The following CLYBL variants were observed in gnomAD, a reference collection of about 807,000 sequenced individuals.
The protein encoded by CLYBL is citramalyl-CoA lyase, mitochondrial.
Under a neutral mutation model 38.9 loss-of-function variants are expected in CLYBL, and 31 were observed. That is an observed-to-expected ratio of 0.80 (90% CI 0.60 to 1.08). The LOEUF is 1.08. CLYBL is among the 50% of genes least tolerant of loss of function. The pLI is 0.00. For synonymous variants in CLYBL, 171 were observed against 158.6 expected (o/e 1.08, Z -0.59); for missense variants, 434 against 411.6 (o/e 1.05, Z -0.47).
At chr13:99,802,464 C>T (rs1304872731) in intron 2 of CLYBL, among the ~76,000 whole-genome samples, 1 of 151,948 alleles carries the variant, frequency 6.6e-6, no homozygotes, top group Admixed American at 6.6e-5. Flanking sequence ...TGGGGGGGTC[C>T]AGACTCTAGT....
chr13:99,828,360 C>T (rs1359089475), intron 2 of CLYBL, among the ~76,000 whole-genome samples: 2 of 152,168 alleles, frequency 1.3e-5, no homozygotes, highest in Non-Finnish European at 2.9e-5. Context: ...GGGGAATTTT[C>T]CCATGGTAGC....
At chr13:99,886,483 G>A (rs8002591) in intron 7 of CLYBL, among the ~76,000 whole-genome samples, 132,453 of 152,308 alleles carry the variant, frequency 0.87, 58,051 homozygotes, top group African/African-American at 0.96. Flanking sequence ...CTTCCTACGC[G>A]GAAGACACGT....
intron 2 of CLYBL, among the ~76,000 whole-genome samples, chr13:99,778,859 C>A (rs1279971588): frequency 1.3e-5 from 2 of 152,104 alleles, no homozygotes; most frequent in Non-Finnish European, 2.9e-5. Context: ...TCCATAGCTG[C>A]CATTTCAGTT....
Position 99,863,094 on chromosome 13 carries a change from TA to T in CLYBL, c.540+4del. Reference sequence around the variant, plus strand: ...GCAATGGGTTTGCTCAATTTTAAGGTAAGGAAGCCATAATACGGTTAATAAG... The same window carrying T: ...GCAATGGGTTTGCTCAATTTTAAGGTAGGAAGCCATAATACGGTTAATAAG... On this transcript the variant is annotated splice_donor_region_variant and intron_variant, in intron 4 of 8. Transcript: ENST00000339105. 6.5e-7 allele frequency: 1 copy of T among 1,545,330 alleles called. No individual in the cohort carries two copies. The highest frequency in any genetic ancestry group is 8.9e-7 in the Non-Finnish European group (1 of 1,123,108).
At chr13:99,639,503 T>C (rs562213033) in intron 1 of CLYBL, among the ~76,000 whole-genome samples, 2 of 152,354 alleles carry the variant, frequency 1.3e-5, no homozygotes, top group East Asian at 3.9e-4. Context: ...TTAGCAGTCA[T>C]GTAAATGCAT....
chr13:99,612,049 G>A (rs1190987531), intron 1 of CLYBL, among the ~76,000 whole-genome samples: 1 of 152,056 alleles, frequency 6.6e-6, no homozygotes, highest in African/African-American at 2.4e-5. Flanking sequence ...CTATCATCCC[G>A]CAAATTCTCT....
chr13:99,734,404 A>T (rs74816639), intron 1 of CLYBL, among the ~76,000 whole-genome samples: 29 of 138,880 alleles, frequency 2.1e-4, no homozygotes, highest in Non-Finnish European at 2.6e-4. Flanking sequence ...AATTGAGATT[A>T]AAAAAAAAAA....
chr13:99,824,393 T>A (rs983896052), intron 2 of CLYBL, among the ~76,000 whole-genome samples: 5 of 152,186 alleles, frequency 3.3e-5, no homozygotes, highest in African/African-American at 1.2e-4. Context: ...GGTCACTTGT[T>A]AGTATTTCTC....
rs778596703 is a variant in CLYBL, at chr13:99,866,282, G to A, written c.677G>A (p.Arg226Gln). The A allele has an allele frequency of 9.9e-6, 16 of 1,613,846 alleles. No individual in the cohort carries two copies. The highest frequency in any genetic ancestry group is 1.7e-4 in the Middle Eastern group (1 of 6,044). The change falls in exon 6 of 9, where the codon CGG (arginine) becomes CAG (glutamine). Residue 226 changes from arginine (R) to glutamine (Q), a missense_variant. By Grantham distance (43) the Arg-to-Gln change is conservative (BLOSUM62 1). Transcript: ENST00000339105. ...SKETLDILYARQKIVVIAKAF... is the reference protein window; with the variant it reads ...SKETLDILYAQQKIVVIAKAF... The stretch of plus-strand genomic sequence containing the variant: ...GAAACCCTGGATATTCTCTACGCCC[G>A]GCAAAAGATTGTTGTCATAGCGAAA...
intron 7 of CLYBL, among the ~76,000 whole-genome samples, chr13:99,875,496 A>G (rs2052015440): frequency 6.6e-6 from 1 of 152,166 alleles, no homozygotes; most frequent in Non-Finnish European, 1.5e-5. Context: ...TTCCAAATGC[A>G]AGGCTTTACA....
chr13:99,616,499 A>G (rs187995535), intron 1 of CLYBL, among the ~76,000 whole-genome samples: 3 of 151,912 alleles, frequency 2.0e-5, no homozygotes, highest in African/African-American at 7.2e-5. Flanking sequence ...CTGTTTCCAG[A>G]CCTAAAAAGG....
chr13:99,795,709 C>T (rs1283464508), intron 2 of CLYBL, among the ~76,000 whole-genome samples: 1 of 152,138 alleles, frequency 6.6e-6, no homozygotes, highest in Non-Finnish European at 1.5e-5. Flanking sequence ...GCTCAAAAGC[C>T]TAGAGAGAAA....
intron 1 of CLYBL, among the ~76,000 whole-genome samples, chr13:99,770,564 G>A (rs1306161397): frequency 6.6e-6 from 1 of 152,022 alleles, no homozygotes; most frequent in African/African-American, 2.4e-5. Flanking sequence ...TGATCCGCCC[G>A]TCTCGGCCTC....
At chr13:99,687,713 A>C (rs1168313822) in intron 1 of CLYBL, among the ~76,000 whole-genome samples, 2 of 152,350 alleles carry the variant, frequency 1.3e-5, no homozygotes, top group East Asian at 3.9e-4. Context: ...AATCTTCATT[A>C]CATACCTGGT....
At chr13:99,774,719 A>G (rs1445982425) in intron 2 of CLYBL, among the ~76,000 whole-genome samples, 1 of 152,224 alleles carries the variant, frequency 6.6e-6, no homozygotes, top group Non-Finnish European at 1.5e-5. Context: ...CTTTCCAAGT[A>G]TTTGGAAAAG....
chr13:99,829,943 C>G (rs2139069486), intron 2 of CLYBL, among the ~76,000 whole-genome samples: 1 of 152,234 alleles, frequency 6.6e-6, no homozygotes, highest in Non-Finnish European at 1.5e-5. Flanking sequence ...GGGGTGGCAC[C>G]AAGGGGGCCA....
At chr13:99,795,664 A>G (rs1040139385) in intron 2 of CLYBL, among the ~76,000 whole-genome samples, 1 of 152,084 alleles carries the variant, frequency 6.6e-6, no homozygotes, top group African/African-American at 2.4e-5. Flanking sequence ...AAAAACACAA[A>G]AAACAAAAAC....
intron 2 of CLYBL, among the ~76,000 whole-genome samples, chr13:99,789,153 T>C (rs948463462): frequency 5.3e-5 from 8 of 152,188 alleles, no homozygotes; most frequent in Admixed American, 2.0e-4. Context: ...AACCAGCTCG[T>C]GGATTCATTG....
intron 1 of CLYBL, among the ~76,000 whole-genome samples, chr13:99,695,149 C>T (rs773419123): frequency 1.5e-4 from 23 of 152,078 alleles, no homozygotes; most frequent in Non-Finnish European, 1.5e-5. Context: ...TTCCTGCTAC[C>T]GTTTCAAAGA....
Sources: gnomAD v4.1 joint callset for allele counts (sites outside exome capture counted in the v4.1 genomes callset) on GRCh38, gnomAD v4.1.1 for gene constraint, MANE v1.5 for transcripts, NCBI Gene and HGNC (gene_info 2026-07-23, HGNC 2026-07-21) for gene names.